Variants in BCL10 observed in about 807,000 individuals in gnomAD.
The protein encoded by BCL10 is BCL10 immune signaling adaptor, also known as B-cell lymphoma/leukemia 10.
Under a neutral mutation model 19.2 loss-of-function variants are expected in BCL10, and 5 were observed. The observed-to-expected ratio is 0.26, with a 90% CI of 0.14 to 0.55. BCL10 has a LOEUF of 0.55. Among genes scored for constraint, BCL10 ranks in the 20% least tolerant of loss-of-function variants. BCL10 has a pLI of 0.94. For missense variants in BCL10, 201 were observed against 271.9 expected (o/e 0.74, Z 1.83); for synonymous variants, 110 against 98.8 (o/e 1.11, Z -0.67).
chr1:85,268,335 T>C (rs1372282830), intron 2 of BCL10, among the ~76,000 whole-genome samples: 2 of 152,170 alleles, frequency 1.3e-5, no homozygotes, highest in Non-Finnish European at 2.9e-5. Context: ...GTACAAAAAA[T>C]ATTAGCTAAT....
chr1:85,276,452 G>A lies in BCL10; in HGVS notation c.-100C>T, dbSNP rs1159579468. ...CGGCCTCCGGGTAATGGGGAAGAAG[G>A]AGAGGAGGCGGAGCGGGTCGGGAGA... is the stretch of plus-strand genomic sequence containing the variant. On this transcript the variant is annotated 5_prime_UTR_variant, in exon 1 of 3. Coordinates refer to ENST00000648566, the MANE Select transcript of BCL10 (RefSeq NM_003921.5). The A allele has an allele frequency of 6.5e-6, 9 of 1,376,304 alleles. No homozygotes were observed. The highest frequency in any genetic ancestry group is 2.9e-5 in the African/African-American group (2 of 70,018). The allele number at this position is 1,376,304 out of a possible 1,614,324, so 85.3% of individuals were successfully genotyped here. A position where few individuals can be genotyped will look rare whatever the true frequency, so the allele number is the denominator to read the frequency against.
rs978998425 is a variant in BCL10 at position 85,267,565 on chromosome 1, T to C, written c.*62A>G. The C allele has an allele frequency of 2.2e-6, 3 of 1,356,952 alleles. No homozygotes were observed. The highest frequency in any genetic ancestry group is 3.0e-6 in the Non-Finnish European group (3 of 997,104). The allele number at this position is 1,356,952 out of a possible 1,614,324, so 84.1% of individuals were successfully genotyped here. A position where few individuals can be genotyped will look rare whatever the true frequency, so the allele number is the denominator to read the frequency against. Reference sequence around the variant, plus strand: ...TAAACAAATGATTACAGCCATTTTATAAAAAGTCATATTCTTTAAAACATT... The same window carrying C: ...TAAACAAATGATTACAGCCATTTTACAAAAAGTCATATTCTTTAAAACATT... On this transcript the variant is annotated 3_prime_UTR_variant, in exon 3 of 3. Transcript: ENST00000648566.
At chr1:85,268,939 C>T (rs756056074) in intron 2 of BCL10, among the ~76,000 whole-genome samples, 1 of 152,162 alleles carries the variant, frequency 6.6e-6, no homozygotes, top group Non-Finnish European at 1.5e-5. Context: ...AGCTGTGGTA[C>T]GAATGTATCC....
In BCL10 at chr1:85,267,538, T is replaced by A; in HGVS notation, c.*89A>T. ...TGCATTTTAAAAGACATGCATCAAA[T>A]GTAAACAAATGATTACAGCCATTTT... On this transcript the variant is annotated 3_prime_UTR_variant, in exon 3 of 3. Coordinates refer to ENST00000648566, the MANE Select transcript of BCL10 (RefSeq NM_003921.5). 9.1e-7 allele frequency: 1 copy of A among 1,101,380 alleles called. No individual in the cohort carries two copies. Among genetic ancestry groups the A allele is most frequent in the Non-Finnish European group, 1.3e-6 (1 of 779,456 alleles). The allele number at this position is 1,101,380 out of a possible 1,614,324, so 68.2% of individuals were successfully genotyped here.
In BCL10 at chr1:85,276,411, C is replaced by A. The variant is rs1660534643; in HGVS notation, c.-59G>T. On this transcript the variant is annotated 5_prime_UTR_variant, in exon 1 of 3. Transcript: ENST00000648566. ...CGGGAGCTCGGGCTGCGCCGCCCCG[C>A]CCTGGCTGGGGGCTTCGGCCTCCGG... is the stretch of plus-strand genomic sequence containing the variant. 8 of 1,589,724 alleles carry A rather than the reference C, an allele frequency of 5.0e-6. 1 individual carries two copies. In the South Asian group the frequency reaches 8.8e-5, roughly 18 times the overall value.
At position 85,270,681 on chromosome 1, in the gene BCL10, G is replaced by A. The variant is rs1570333518; in HGVS notation, c.283C>T (p.Leu95=). The change falls in exon 2 of 3, where the codon CTG becomes TTG. Residue 95 remains leucine, a synonymous_variant. Coordinates refer to ENST00000648566, the MANE Select transcript of BCL10 (RefSeq NM_003921.5). ...ACTTCATCTGTAATCTTCTGTATCAGGAAGTTCTGTGTTTTTTCTCGCCGA... is the reference window on the plus strand; with the variant it reads ...ACTTCATCTGTAATCTTCTGTATCAAGAAGTTCTGTGTTTTTTCTCGCCGA... The part of the protein sequence containing the change: ...SIRREKTQNF[L]IQKITDEVLK... The A allele has an allele frequency of 6.2e-7, 1 of 1,613,500 alleles. No individual in the cohort carries two copies.
Position 85,276,471 on chromosome 1 carries a change from C to T in BCL10, c.-119G>A, listed in dbSNP as rs987860597. The T allele has an allele frequency of 2.5e-6, 3 of 1,211,752 alleles. No homozygotes were observed. Among genetic ancestry groups the T allele is most frequent in the Non-Finnish European group, 3.6e-6 (3 of 841,278 alleles). The allele number at this position is 1,211,752 out of a possible 1,614,324, so 75.1% of individuals were successfully genotyped here. A position where few individuals can be genotyped will look rare whatever the true frequency, so the allele number is the denominator to read the frequency against. On this transcript the variant is annotated 5_prime_UTR_variant, in exon 1 of 3. Coordinates refer to ENST00000648566, the MANE Select transcript of BCL10 (RefSeq NM_003921.5). ...AAGAAGGAGAGGAGGCGGAGCGGGT[C>T]GGGAGAAAGACGGCCGCCCCTTCGG... is the stretch of plus-strand genomic sequence containing the variant.
intron 2 of BCL10, among the ~76,000 whole-genome samples, chr1:85,270,014 C>G (rs1386626900): frequency 3.3e-5 from 5 of 152,128 alleles, no homozygotes; most frequent in African/African-American, 9.7e-5. Flanking sequence ...AAATACTGTT[C>G]TTTATGTGTG....
chr1:85,274,755 C>CT (rs1455470860), intron 1 of BCL10, among the ~76,000 whole-genome samples: 1 of 152,162 alleles, frequency 6.6e-6, no homozygotes, highest in Non-Finnish European at 1.5e-5. Flanking sequence ...TTAAAACTCT[C>CT]TAAGATCAGA....
intron 2 of BCL10, 91 bp from the exon 3 acceptor site, chr1:85,268,073 G>T: frequency 1.3e-6 from 1 of 782,612 alleles, no homozygotes; most frequent in Non-Finnish European, 2.0e-6. Flanking sequence ...TTACAAGCTA[G>T]TTACCCCACA....
intron 1 of BCL10, among the ~76,000 whole-genome samples, chr1:85,276,019 G>A (rs1240613100): frequency 2.0e-5 from 3 of 152,362 alleles, no homozygotes; most frequent in South Asian, 4.1e-4. Flanking sequence ...AAAGCATGAG[G>A]AGATGGGTGA....
In BCL10 at chr1:85,267,625, T is replaced by A. The variant is rs761561884; in HGVS notation, c.*2A>T. The A allele has an allele frequency of 5.1e-6, 8 of 1,561,864 alleles. No individual in the cohort carries two copies. On this transcript the variant is annotated 3_prime_UTR_variant, in exon 3 of 3. Coordinates refer to ENST00000648566, the MANE Select transcript of BCL10 (RefSeq NM_003921.5). ...CATTAAAAATTAAAAGGCAATAAAG[T>A]GTCATTGTCGTGAAACAGTACGTGA...
chr1:85,267,321 A>C lies in BCL10; in HGVS notation c.*306T>G. The C allele has an allele frequency of 7.1e-6, 2 of 281,868 alleles. No individual in the cohort carries two copies. Among genetic ancestry groups the C allele is most frequent in the Non-Finnish European group, 1.3e-5 (2 of 149,776 alleles). The allele number at this position is 281,868 out of a possible 1,614,324, so 17.5% of individuals were successfully genotyped here. Reference sequence around the variant, plus strand: ...AAAACGTTCTTCCTAGTAAGGGTCTATTCTCAAATAGAGATATATTCCCTA... The same window carrying C: ...AAAACGTTCTTCCTAGTAAGGGTCTCTTCTCAAATAGAGATATATTCCCTA... On this transcript the variant is annotated 3_prime_UTR_variant, in exon 3 of 3. Transcript: ENST00000648566.
At position 85,267,668 on chromosome 1, in the gene BCL10, T is replaced by C; in HGVS notation, c.661A>G (p.Met221Val). 6.2e-7 allele frequency: 1 copy of C among 1,611,782 alleles called. No individual in the cohort carries two copies. The highest frequency in any genetic ancestry group is 1.7e-5 in the Admixed American group (1 of 59,356). The change falls in exon 3 of 3, where the codon ATG (methionine) becomes GTG (valine). Residue 221 changes from methionine (M) to valine (V), a missense_variant. This residue lies in a region of BCL10 where 126 missense variants were observed against 136.6 expected (regional missense o/e 0.92). Transcript: ENST00000648566. ...EEGTCANSSE[M>V]FLPLRSRTVS... ...GTACGTGATCTTAAGGGAAGAAACA[T>C]CTCACTAGAGTTTGCACAAGTTCCT...
chr1:85,270,213 A>C (rs1330734630), intron 2 of BCL10, among the ~76,000 whole-genome samples: 1 of 152,262 alleles, frequency 6.6e-6, no homozygotes, highest in African/African-American at 2.4e-5. Context: ...AGGTAAAATA[A>C]GTGCAAATTG....
Position 85,266,425 on chromosome 1 carries a change from A to G in BCL10, c.*1202T>C, listed in dbSNP as rs1660192501. On this transcript the variant is annotated 3_prime_UTR_variant, in exon 3 of 3. Transcript: ENST00000648566. ...TAAAATTAGTCAAATTTTGTTTTAC[A>G]ACAAAAAGACAAATCTGGCTAATGG... 5.3e-6 allele frequency: 1 copy of G among 189,938 alleles called. No individual in the cohort carries two copies. Among genetic ancestry groups the G allele is most frequent in the African/African-American group, 2.3e-5 (1 of 42,904 alleles). 11.8% of individuals were successfully genotyped at this position (189,938 alleles called of 1,614,324 possible).
chr1:85,276,150 G>A, intron 1 of BCL10, 146 bp downstream of exon 1: 1 of 967,428 alleles, frequency 1.0e-6, no homozygotes, highest in Non-Finnish European at 1.6e-6. Context: ...TCGGATGCAG[G>A]GCTCGCCACA....
chr1:85,276,515 GT>G lies in BCL10; in HGVS notation c.-164del. On this transcript the variant is annotated 5_prime_UTR_variant, in exon 1 of 3. Transcript: ENST00000648566. ...CCTTCGGGAACAGAGGGACTCGGGG[GT>G]CAAACCGTAGCGCTTCCGGCCCCGC... 1 of 728,978 alleles carries G rather than the reference GT, an allele frequency of 1.4e-6. No homozygotes were observed. Among genetic ancestry groups the G allele is most frequent in the Non-Finnish European group, 2.2e-6 (1 of 445,514 alleles). 45.2% of individuals were successfully genotyped at this position (728,978 alleles called of 1,614,324 possible). A position where few individuals can be genotyped will look rare whatever the true frequency, so the allele number is the denominator to read the frequency against.
rs771239853 is a variant in BCL10, at chr1:85,270,886, T to A, written c.78A>T (p.Val26=). 4.4e-6 allele frequency: 7 copies of A among 1,608,556 alleles called. No individual in the cohort carries two copies. In the African/African-American group the frequency reaches 8.1e-5, roughly 18 times the overall value. Residue 26 remains valine (V), a synonymous_variant, in exon 2 of 3, where the codon GTA becomes GTT. Coordinates refer to ENST00000648566, the MANE Select transcript of BCL10 (RefSeq NM_003921.5). ...CAGCTATGATTTTCTCACACAGGTA[T>A]ACACGTAAATTTTCTAAGGCCTAAA... The part of the protein sequence containing the change: ...VKKDALENLR[V]YLCEKIIAER...
Sources: gnomAD v4.1 joint callset for allele counts (sites outside exome capture counted in the v4.1 genomes callset) on GRCh38, gnomAD v4.1.1 for gene constraint, gnomAD v4.1.1 regional missense constraint, MANE v1.5 for transcripts, NCBI Gene and HGNC (gene_info 2026-07-23, HGNC 2026-07-21) for gene names.